Variants in RBFOX1 observed in about 807,000 individuals in gnomAD.
The protein encoded by RBFOX1 is RNA binding protein fox-1 homolog 1.
RBFOX1 carries 8 observed loss-of-function variants against 57.7 expected under a neutral mutation model. The ratio of observed to expected loss-of-function variants is 0.14; its 90% confidence interval spans 0.08 to 0.25. The LOEUF is 0.25. RBFOX1 is among the 10% of genes least tolerant of loss of function. The probability of loss-of-function intolerance (pLI) is 1.00; values close to 1 mark genes in which losing one functional copy is unlikely to be tolerated. For synonymous variants in RBFOX1, 326 were observed against 222.4 expected (o/e 1.47, Z -4.15); for missense variants, 611 against 548.5 (o/e 1.11, Z -1.14).
At chr16:7,034,449 C>T (rs75265698) in intron 3 of RBFOX1, among the ~76,000 whole-genome samples, 1 of 152,010 alleles carries the variant, frequency 6.6e-6, no homozygotes, top group Admixed American at 6.6e-5. Flanking sequence ...TGCTTCTTCC[C>T]CCTTCTTCCT....
chr16:7,120,002 C>T (rs1218878211), intron 4 of RBFOX1, among the ~76,000 whole-genome samples: 1 of 151,470 alleles, frequency 6.6e-6, no homozygotes, highest in Non-Finnish European at 1.5e-5. Flanking sequence ...TAGTTGCTTT[C>T]CTCTGACAAA....
intron 1 of RBFOX1, among the ~76,000 whole-genome samples, chr16:6,104,587 C>T (rs1469424631): frequency 6.6e-6 from 1 of 152,182 alleles, no homozygotes; most frequent in African/African-American, 2.4e-5. Context: ...CCACCCTCAG[C>T]CCCAGGCAAC....
intron 1 of RBFOX1, among the ~76,000 whole-genome samples, chr16:6,224,246 G>C (rs1245903848): frequency 6.6e-6 from 1 of 151,594 alleles, no homozygotes; most frequent in Non-Finnish European, 1.5e-5. Context: ...TGTGAAGAAA[G>C]TCATTGGTAG....
chr16:7,130,424 C>T (rs2069963551), intron 4 of RBFOX1, among the ~76,000 whole-genome samples: 1 of 152,172 alleles, frequency 6.6e-6, no homozygotes. Flanking sequence ...CACATTATTA[C>T]ACTTAACACT....
chr16:7,628,876 G>C (rs1262718289), intron 10 of RBFOX1, among the ~76,000 whole-genome samples: 1 of 152,110 alleles, frequency 6.6e-6, no homozygotes, highest in African/African-American at 2.4e-5. Context: ...GCCTCCCAAA[G>C]TACTGGAATG....
chr16:6,655,373 CAAAAAAAAA>C (rs71406388), intron 3 of RBFOX1, among the ~76,000 whole-genome samples: 1,144 of 33,686 alleles, frequency 0.034, 26 homozygotes, highest in African/African-American at 0.12. Context: ...GCCTCCGTTT[CAAAAAAAAA>C]AAAAAAAAAA....
chr16:6,804,469 C>CAATG (rs2086250887), intron 3 of RBFOX1, among the ~76,000 whole-genome samples: 1 of 152,144 alleles, frequency 6.6e-6, no homozygotes, highest in Non-Finnish European at 1.5e-5. Flanking sequence ...ACACGCCCTC[C>CAATG]AATGGAACTA....
intron 1 of RBFOX1, among the ~76,000 whole-genome samples, chr16:5,432,615 T>TA (rs373978124): frequency 5.9e-4 from 80 of 136,284 alleles, no homozygotes; most frequent in Non-Finnish European, 8.5e-4. Flanking sequence ...AATAAATGGG[T>TA]AAAAAAAAAA....
chr16:7,186,609 A>C (rs1378477975), intron 4 of RBFOX1, among the ~76,000 whole-genome samples: 1 of 142,166 alleles, frequency 7.0e-6, no homozygotes, highest in African/African-American at 2.7e-5. Context: ...TATAAATATA[A>C]GCATAAACAT....
intron 4 of RBFOX1, among the ~76,000 whole-genome samples, chr16:7,057,957 G>C (rs1229049354): frequency 7.1e-6 from 1 of 141,566 alleles, no homozygotes; most frequent in Non-Finnish European, 1.5e-5. Context: ...GCAGTGAGCA[G>C]AGATCATGCC....
intron 4 of RBFOX1, among the ~76,000 whole-genome samples, chr16:7,307,644 G>T (rs2096221476): frequency 1.3e-5 from 2 of 152,208 alleles, no homozygotes; most frequent in African/African-American, 4.8e-5. Context: ...ACAGTTTAGA[G>T]CTGCAAGGTG....
intron 1 of RBFOX1, among the ~76,000 whole-genome samples, chr16:6,299,562 C>T (rs2078555023): frequency 1.3e-5 from 2 of 152,102 alleles, no homozygotes; most frequent in South Asian, 4.2e-4. Flanking sequence ...CTTCCCAAGA[C>T]CCCAGCGTCA....
At chr16:6,810,797 C>T (rs1007056921) in intron 3 of RBFOX1, among the ~76,000 whole-genome samples, 1 of 152,040 alleles carries the variant, frequency 6.6e-6, no homozygotes, top group African/African-American at 2.4e-5. Flanking sequence ...CAGATCTCGC[C>T]AGAAGTCACT....
intron 4 of RBFOX1, among the ~76,000 whole-genome samples, chr16:7,301,423 T>C (rs908651065): frequency 6.6e-6 from 1 of 152,172 alleles, no homozygotes; most frequent in Non-Finnish European, 1.5e-5. Context: ...ACTTTGCAGA[T>C]CTTCAGTGTG....
intron 4 of RBFOX1, among the ~76,000 whole-genome samples, chr16:7,399,013 C>G (rs12446425): frequency 0.079 from 12,024 of 152,282 alleles, 603 homozygotes; most frequent in South Asian, 0.15. Flanking sequence ...ACACTAGGAA[C>G]TACTTGGGGC....
intron 3 of RBFOX1, among the ~76,000 whole-genome samples, chr16:6,706,129 A>G (rs1367958565): frequency 6.6e-6 from 1 of 152,158 alleles, no homozygotes; most frequent in Non-Finnish European, 1.5e-5. Flanking sequence ...TTGTACAGGC[A>G]TTGTAATCTT....
chr16:6,506,498 AG>A (rs2096094017), intron 2 of RBFOX1, among the ~76,000 whole-genome samples: 1 of 152,176 alleles, frequency 6.6e-6, no homozygotes, highest in Admixed American at 6.5e-5. Flanking sequence ...CTATTAAAAA[AG>A]ATGCGTCAGG....
At chr16:5,569,521 G>A (rs951084615) in intron 2 of RBFOX1, among the ~76,000 whole-genome samples, 4 of 126,614 alleles carry the variant, frequency 3.2e-5, no homozygotes, top group African/African-American at 1.2e-4. Context: ...AGGAAATTCA[G>A]CTCATCATCT....
intron 2 of RBFOX1, among the ~76,000 whole-genome samples, chr16:5,570,708 T>C (rs1043108519): frequency 1.1e-4 from 17 of 152,122 alleles, no homozygotes; most frequent in African/African-American, 3.6e-4. Flanking sequence ...GGCTTGTTGG[T>C]GCGCACCTGT....
Sources: gnomAD v4.1 joint callset for allele counts (sites outside exome capture counted in the v4.1 genomes callset) on GRCh38, gnomAD v4.1.1 for gene constraint, MANE v1.5 for transcripts, NCBI Gene and HGNC (gene_info 2026-07-23, HGNC 2026-07-21) for gene names.